Variants in AHI1 observed in about 807,000 individuals in gnomAD.
AHI1 encodes the protein Abelson helper integration site 1, also known as jouberin.
A neutral mutation model predicts 149.3 loss-of-function variants in AHI1; 123 were observed. The observed-to-expected ratio is 0.82, with a 90% CI of 0.71 to 0.96. The LOEUF is 0.96. Ranked by LOEUF, AHI1 falls within the 40% of genes least tolerant of loss-of-function variation. The pLI is 0.00. For missense variants in AHI1, 1,439 were observed against 1,422.7 expected (o/e 1.01, Z -0.18); for synonymous variants, 475 against 459.8 (o/e 1.03, Z -0.42).
intron 23 of AHI1, among the ~76,000 whole-genome samples, chr6:135,367,355 A>G (rs1582854657): frequency 6.6e-6 from 1 of 152,058 alleles, no homozygotes. Context: ...TCTTTTTGTG[A>G]TGAATTTCCC....
intron 7 of AHI1, among the ~76,000 whole-genome samples, chr6:135,463,645 G>T (rs1790281451): frequency 6.6e-6 from 1 of 152,018 alleles, no homozygotes. Flanking sequence ...CCAAGTAAAT[G>T]ATTTATCAAC....
In AHI1 at chr6:135,330,785, T is replaced by C. The variant is rs143123331; in HGVS notation, c.3166-7461A>G. On this transcript the variant is annotated intron_variant, in intron 24 of 28. Transcript: ENST00000265602. Reference sequence around the variant, plus strand: ...GTGGCTCACGGGAATCTGCTTGTATTTCAGCGTTTTTATCCAATGTGCTGT... The same window carrying C: ...GTGGCTCACGGGAATCTGCTTGTATCTCAGCGTTTTTATCCAATGTGCTGT... Among the ~76,000 whole-genome samples, 271 of 152,360 alleles carry C rather than the reference T, an allele frequency of 1.8e-3. 3 individuals carry two copies. Among genetic ancestry groups the C allele is most frequent in the Admixed American group, 0.015 (225 of 15,310 alleles).
intron 23 of AHI1, among the ~76,000 whole-genome samples, chr6:135,367,288 T>TA (rs1360394975): frequency 6.6e-6 from 1 of 152,216 alleles, no homozygotes; most frequent in African/African-American, 2.4e-5. Flanking sequence ...TCACAGCTCT[T>TA]AAGATTCTTT....
intron 24 of AHI1, among the ~76,000 whole-genome samples, chr6:135,346,287 C>T (rs896162735): frequency 2.0e-5 from 3 of 152,120 alleles, no homozygotes; most frequent in African/African-American, 4.8e-5. Flanking sequence ...CTCCACCTCC[C>T]GGGTTCACGC....
chr6:135,300,000 C>T (rs115779507), intron 27 of AHI1, among the ~76,000 whole-genome samples: 5,576 of 152,078 alleles, frequency 0.037, 331 homozygotes, highest in African/African-American at 0.12. Context: ...TGTAATAATA[C>T]ACATTCTCAG....
chr6:135,431,691 A>C (rs1784686872), intron 16 of AHI1, among the ~76,000 whole-genome samples: 2 of 152,088 alleles, frequency 1.3e-5, no homozygotes, highest in Non-Finnish European at 2.9e-5. Flanking sequence ...TCTGTTTTGG[A>C]TTCCTAGAAA....
chr6:135,332,583 T>C (rs540081569), intron 24 of AHI1, among the ~76,000 whole-genome samples: 1 of 152,336 alleles, frequency 6.6e-6, no homozygotes, highest in Admixed American at 6.5e-5. Flanking sequence ...TGAAGTTCTA[T>C]GTCATCAAAC....
At chr6:135,346,257 C>T (rs12208180) in intron 24 of AHI1, among the ~76,000 whole-genome samples, 2,335 of 152,204 alleles carry the variant, frequency 0.015, 28 homozygotes, top group Non-Finnish European at 0.024. Context: ...TGCAGTGGCG[C>T]GATCTTGGCT....
At chr6:135,314,158 T>C (rs909918724) in intron 26 of AHI1, among the ~76,000 whole-genome samples, 3 of 152,196 alleles carry the variant, frequency 2.0e-5, no homozygotes, top group African/African-American at 4.8e-5. Context: ...ACCCCCAAAT[T>C]CATGTGTTAA....
intron 25 of AHI1, among the ~76,000 whole-genome samples, chr6:135,320,582 C>T (rs2128379864): frequency 6.6e-6 from 1 of 152,346 alleles, no homozygotes; most frequent in Non-Finnish European, 1.5e-5. Flanking sequence ...TGAGCTGCTG[C>T]ATCTGGCCTC....
At chr6:135,477,325 C>T (rs1792838174) in intron 5 of AHI1, among the ~76,000 whole-genome samples, 1 of 152,196 alleles carries the variant, frequency 6.6e-6, no homozygotes, top group Non-Finnish European at 1.5e-5. Flanking sequence ...CAGGCGTGAG[C>T]CACCATGCCC....
chr6:135,318,678 A>G, intron 25 of AHI1, 62 bp from the exon 26 acceptor site: 1 of 991,518 alleles, frequency 1.0e-6, no homozygotes, highest in Middle Eastern at 2.1e-4. Flanking sequence ...TGGGGGAAAA[A>G]CAACGATGGT....
intron 20 of AHI1, among the ~76,000 whole-genome samples, chr6:135,419,927 G>A (rs1267369797): frequency 1.3e-5 from 2 of 152,070 alleles, no homozygotes. Context: ...AATCTTTGTT[G>A]TCATCTCAAC....
chr6:135,388,168 T>G (rs984854398), intron 23 of AHI1: 8 of 949,904 alleles, frequency 8.4e-6, no homozygotes, highest in South Asian at 5.4e-5. Flanking sequence ...TAATCTACAA[T>G]AGTGAATTAA....
intron 23 of AHI1, among the ~76,000 whole-genome samples, chr6:135,389,919 C>A (rs1293338212): frequency 6.6e-6 from 1 of 152,176 alleles, no homozygotes; most frequent in Non-Finnish European, 1.5e-5. Flanking sequence ...AGTTTTACAG[C>A]AAGCTTGTCC....
intron 20 of AHI1, among the ~76,000 whole-genome samples, chr6:135,416,563 T>C (rs553414743): frequency 1.8e-4 from 28 of 152,128 alleles, no homozygotes; most frequent in Admixed American, 1.6e-3. Flanking sequence ...AAATTATGTA[T>C]AGAAATGTAA....
chr6:135,485,869 A>G lies in AHI1; in HGVS notation c.135+4754T>C, dbSNP rs150545137. On this transcript the variant is annotated intron_variant, in intron 5 of 28. Coordinates refer to ENST00000265602, the MANE Select transcript of AHI1 (RefSeq NM_001134831.2). ...CATAACAGGGAGCCTGTTATGGCTC[A>G]CACCTGTAGTCCTAGCATTTTGGGA... Among the ~76,000 whole-genome samples the G allele has an allele frequency of 1.6e-4, 25 of 152,262 alleles. No individual in the cohort carries two copies. The East Asian group carries it at 4.8e-3, about 29-fold the overall frequency.
chr6:135,354,277 T>G (rs953024181), intron 24 of AHI1, among the ~76,000 whole-genome samples: 2 of 152,148 alleles, frequency 1.3e-5, no homozygotes, highest in African/African-American at 4.8e-5. Flanking sequence ...TTCATTCGAA[T>G]AGGCCATATT....
intron 20 of AHI1, among the ~76,000 whole-genome samples, chr6:135,413,627 T>TA (rs1422568790): frequency 6.6e-6 from 1 of 151,704 alleles, no homozygotes; most frequent in African/African-American, 2.4e-5. Context: ...AAATGGAATC[T>TA]AAAAAAATAA....
Sources: allele counts gnomAD v4.1 joint callset (sites outside exome capture counted in the v4.1 genomes callset), GRCh38; gene constraint gnomAD v4.1.1; transcripts MANE v1.5; gene names NCBI Gene and HGNC (gene_info 2026-07-23, HGNC 2026-07-21).